GBE1: variants seen among roughly 807,000 people sequenced by gnomAD.
GBE1 encodes 1,4-alpha-glucan-branching enzyme.
Under a neutral mutation model 88.8 loss-of-function variants are expected in GBE1, and 70 were observed. That is an observed-to-expected ratio of 0.79 (90% CI 0.65 to 0.96). The LOEUF (loss-of-function observed/expected upper bound fraction) is 0.96, where lower values mean the gene tolerates loss of function less well. GBE1 is among the 40% of genes least tolerant of loss of function. GBE1 has a pLI of 0.00. For synonymous variants in GBE1, 284 were observed against 300.1 expected, an observed-to-expected ratio of 0.95 and a Z score of 0.56; for missense variants, 872 against 871.0, an observed-to-expected ratio of 1.00 and a Z score of -0.01.
chr3:81,719,203 C>T (rs933260322), intron 1 of GBE1, among the ~76,000 whole-genome samples: 2 of 151,918 alleles, frequency 1.3e-5, no homozygotes, highest in African/African-American at 2.4e-5. Context: ...TTTGGGATTT[C>T]GGTTTTTTTG....
intron 7 of GBE1, 85 bp downstream of exon 7, chr3:81,642,696 A>G (rs1388748804): frequency 3.5e-6 from 3 of 855,240 alleles, no homozygotes; most frequent in Non-Finnish European, 5.9e-6. Context: ...GTGAGAGAGT[A>G]CACACACAAT....
At chr3:81,744,738 G>A (rs1367724935) in intron 1 of GBE1, among the ~76,000 whole-genome samples, 1 of 152,120 alleles carries the variant, frequency 6.6e-6, no homozygotes, top group African/African-American at 2.4e-5. Flanking sequence ...TTTTCCAACT[G>A]AACCAATTTT....
intron 12 of GBE1, among the ~76,000 whole-genome samples, chr3:81,567,573 G>A (rs980401079): frequency 1.3e-5 from 2 of 152,128 alleles, no homozygotes; most frequent in Non-Finnish European, 2.9e-5. Context: ...AGCCTTATTT[G>A]TCTCATACAA....
At chr3:81,719,913 G>A (rs1705998885) in intron 1 of GBE1, among the ~76,000 whole-genome samples, 1 of 152,092 alleles carries the variant, frequency 6.6e-6, no homozygotes, top group African/African-American at 2.4e-5. Context: ...AATATAGCCA[G>A]AGAGCCATGG....
intron 12 of GBE1, among the ~76,000 whole-genome samples, chr3:81,576,331 C>G (rs1461245693): frequency 6.6e-6 from 1 of 152,124 alleles, no homozygotes; most frequent in South Asian, 2.1e-4. Context: ...TGTAAATTCT[C>G]TGAAAGCAGT....
chr3:81,586,204 C>A lies in GBE1; in HGVS notation c.1237-14G>T, dbSNP rs745815258. 4.6e-6 allele frequency: 7 copies of A among 1,520,842 alleles called. No individual in the cohort carries two copies. Among genetic ancestry groups the A allele is most frequent in the East Asian group, 2.3e-5 (1 of 43,184 alleles). 94.2% of individuals were successfully genotyped at this position (1,520,842 alleles called of 1,614,324 possible). A position where few individuals can be genotyped will look rare whatever the true frequency, so the allele number is the denominator to read the frequency against. ...TCCTGATACATCCTACAACAAAGAA[C>A]GTCGGTTCATAATGATCAAACTTTT... is the stretch of plus-strand genomic sequence containing the variant. On this transcript the variant is annotated splice_polypyrimidine_tract_variant and intron_variant, in intron 9 of 15. Transcript: ENST00000429644.
chr3:81,679,847 C>A (rs1161739177), intron 2 of GBE1, among the ~76,000 whole-genome samples: 1 of 152,116 alleles, frequency 6.6e-6, no homozygotes, highest in Non-Finnish European at 1.5e-5. Context: ...TACTTATTTA[C>A]CAACCTATTT....
chr3:81,645,755 T>C (rs1391039993), intron 6 of GBE1, among the ~76,000 whole-genome samples: 1 of 152,242 alleles, frequency 6.6e-6, no homozygotes, highest in African/African-American at 2.4e-5. Context: ...CTTCTGATTA[T>C]AGTTCCCTGT....
At chr3:81,612,235 A>C (rs954037134) in intron 7 of GBE1, 2 of 512,484 alleles carry the variant, frequency 3.9e-6, no homozygotes, top group African/African-American at 2.1e-5. Flanking sequence ...AAAAAAAAAA[A>C]AAAAAAAACT....
At chr3:81,726,736 C>G (rs1706117574) in intron 1 of GBE1, among the ~76,000 whole-genome samples, 1 of 152,010 alleles carries the variant, frequency 6.6e-6, no homozygotes, top group South Asian at 2.1e-4. Context: ...CATGCGCCAC[C>G]ATGCCTGGCT....
rs774816882 is a variant in GBE1 at position 81,535,344 on chromosome 3, A to G, written c.1804-19T>C. On this transcript the variant is annotated intron_variant, in intron 13 of 15. Coordinates refer to ENST00000429644, the MANE Select transcript of GBE1 (RefSeq NM_000158.4). ...CGTAGGCCTGCAAGAATTAGCACAC[A>G]TGTTACATTTAAATAATACCTAGAT... The G allele has an allele frequency of 6.3e-7, 1 of 1,586,282 alleles. No homozygotes were observed. The highest frequency in any genetic ancestry group is 8.5e-7 in the Non-Finnish European group (1 of 1,170,180).
At chr3:81,581,018 T>C (rs1576157569) in intron 11 of GBE1, 147 bp downstream of exon 11, 3 of 517,498 alleles carry the variant, frequency 5.8e-6, no homozygotes, top group East Asian at 3.4e-5. Flanking sequence ...TAAAGATATA[T>C]ATTAATACAC....
intron 14 of GBE1, among the ~76,000 whole-genome samples, chr3:81,531,347 C>T (rs1264383303): frequency 2.7e-5 from 4 of 150,548 alleles, no homozygotes; most frequent in African/African-American, 9.8e-5. Context: ...CCCCAAGTTG[C>T]AAGATAAAGC....
intron 12 of GBE1, among the ~76,000 whole-genome samples, chr3:81,558,038 A>G (rs1357926226): frequency 2.6e-5 from 4 of 152,034 alleles, no homozygotes; most frequent in African/African-American, 4.8e-5. Flanking sequence ...TGGGTAGCGT[A>G]TGAGGAAGCA....
intron 10 of GBE1, among the ~76,000 whole-genome samples, chr3:81,583,818 C>T (rs968367780): frequency 1.3e-5 from 2 of 151,950 alleles, no homozygotes; most frequent in East Asian, 1.9e-4. Context: ...TGGCAATGAA[C>T]GTGTTTTGCA....
chr3:81,541,648 A>T (rs1358274162), intron 12 of GBE1, among the ~76,000 whole-genome samples: 1 of 152,152 alleles, frequency 6.6e-6, no homozygotes, highest in South Asian at 2.1e-4. Context: ...GAAGACAGCC[A>T]TCTGTGAACC....
At chr3:81,657,987 G>C (rs1303881739) in intron 3 of GBE1, among the ~76,000 whole-genome samples, 1 of 152,120 alleles carries the variant, frequency 6.6e-6, no homozygotes, top group African/African-American at 2.4e-5. Context: ...AGATATCCTG[G>C]CTAGTAGCTT....
intron 2 of GBE1, among the ~76,000 whole-genome samples, chr3:81,701,828 C>T (rs1416834996): frequency 6.6e-6 from 1 of 151,592 alleles, no homozygotes; most frequent in Non-Finnish European, 1.5e-5. Context: ...GTCTCAAACA[C>T]CTGAATGATC....
At chr3:81,646,868 T>C (rs1251318213) in intron 5 of GBE1, among the ~76,000 whole-genome samples, 1 of 152,160 alleles carries the variant, frequency 6.6e-6, no homozygotes, top group Non-Finnish European at 1.5e-5. Context: ...ACGCTTTTTA[T>C]TTTGACTCTA....
Sources: gnomAD v4.1 joint callset for allele counts (sites outside exome capture counted in the v4.1 genomes callset) on GRCh38, gnomAD v4.1.1 for gene constraint, MANE v1.5 for transcripts, NCBI Gene and HGNC (gene_info 2026-07-23, HGNC 2026-07-21) for gene names.